UGT1A8: variants seen among roughly 807,000 people sequenced by gnomAD.
UGT1A8 encodes the protein UDP glucuronosyltransferase family 1 member A8.
Under a neutral mutation model 45.3 loss-of-function variants are expected in UGT1A8, and 39 were observed. The ratio of observed to expected loss-of-function variants is 0.86; its 90% CI spans 0.67 to 1.12. The LOEUF is 1.12. UGT1A8 is among the 50% of genes most tolerant of loss of function. The pLI, the probability that UGT1A8 is intolerant of heterozygous loss-of-function variation, is 0.00. For missense variants in UGT1A8, 719 were observed against 664.9 expected (o/e 1.08, Z -0.90); for synonymous variants, 275 against 249.2 (o/e 1.10, Z -0.97).
In UGT1A8 at chr2:233,769,479, G is replaced by A; in HGVS notation, c.1295+1040G>A. The A allele has an allele frequency of 6.2e-7, 1 of 1,611,314 alleles. No homozygotes were observed. The highest frequency in any genetic ancestry group is 8.5e-7 in the Non-Finnish European group (1 of 1,178,748). ...CATTCATATGCGTGTGTGTGTGTGT[G>A]CGTGTGTTTATGAGAGTGTCCATTG... is the stretch of plus-strand genomic sequence containing the variant. On this transcript the variant is annotated intron_variant, in intron 4 of 4. Coordinates refer to ENST00000373450, the MANE Select transcript of UGT1A8 (RefSeq NM_019076.5). This position sits in a 1 kb window ranked among gnomAD's most constrained non-coding sequence, Gnocchi z 4.4.
chr2:233,622,197 G>A (rs184726344), intron 1 of UGT1A8, among the ~76,000 whole-genome samples: 104 of 152,260 alleles, frequency 6.8e-4, no homozygotes, highest in Non-Finnish European at 1.2e-3. Context: ...ACATACGTGT[G>A]CATGTGTCTT....
At chr2:233,724,279 G>T (rs1430028213) in intron 1 of UGT1A8, among the ~76,000 whole-genome samples, 8 of 142,700 alleles carry the variant, frequency 5.6e-5, no homozygotes, top group Non-Finnish European at 1.1e-4. Flanking sequence ...CGGCTGGCCG[G>T]GCGGGGGGCT....
At position 233,671,174 on chromosome 2, in the gene UGT1A8, T is replaced by A. The variant is rs955686152; in HGVS notation, c.855+52612T>A. 7.2e-5 allele frequency among the ~76,000 whole-genome samples: 11 copies of A among 152,268 alleles called. No individual in the cohort carries two copies. The South Asian group carries it at 2.3e-3, about 32-fold the overall frequency. On this transcript the variant is annotated intron_variant, in intron 1 of 4. Coordinates refer to ENST00000373450, the MANE Select transcript of UGT1A8 (RefSeq NM_019076.5). ...AGGAGGGCACTGGAGTGATGGCGTG[T>A]TTAGAATGTGCAAGTTGAGCGGTCA...
intron 1 of UGT1A8, among the ~76,000 whole-genome samples, chr2:233,716,998 C>A (rs2076539575): frequency 6.6e-6 from 1 of 152,190 alleles, no homozygotes; most frequent in African/African-American, 2.4e-5. Context: ...GTCCTCAGGG[C>A]CCCTATGTCT....
chr2:233,743,907 A>G, intron 1 of UGT1A8: 2 of 1,366,260 alleles, frequency 1.5e-6, no homozygotes, highest in Non-Finnish European at 2.0e-6. Flanking sequence ...ACCTCGTAGT[A>G]GTCCACCATG....
At chr2:233,738,077 A>T (rs1287862175) in intron 1 of UGT1A8, among the ~76,000 whole-genome samples, 1 of 152,120 alleles carries the variant, frequency 6.6e-6, no homozygotes, top group Non-Finnish European at 1.5e-5. Context: ...CCACCTCCTA[A>T]TCTCATCATA....
At chr2:233,729,824 G>T in intron 1 of UGT1A8, 1 of 1,613,884 alleles carries the variant, frequency 6.2e-7, no homozygotes, top group Non-Finnish European at 8.5e-7. Flanking sequence ...CCTTATGCAA[G>T]CCTTGCCTCT....
chr2:233,681,065 G>A (rs1309464009), intron 1 of UGT1A8, among the ~76,000 whole-genome samples: 2 of 151,814 alleles, frequency 1.3e-5, no homozygotes, highest in Admixed American at 1.3e-4. Context: ...GCTCACCTGT[G>A]TCACAATTGT....
At position 233,672,146 on chromosome 2, in the gene UGT1A8, A is replaced by G. The variant is rs527774940; in HGVS notation, c.855+53584A>G. 86 of 1,614,186 alleles carry G rather than the reference A, an allele frequency of 5.3e-5. 1 individual carries two copies. In the East Asian group the frequency reaches 1.9e-3, roughly 36 times the overall value. ...AGTTGGCAACTGGGAAGATCACTGA[A>G]TTGCACAGTGAAGACTTATTCAACT... On this transcript the variant is annotated intron_variant, in intron 1 of 4. Coordinates refer to ENST00000373450, the MANE Select transcript of UGT1A8 (RefSeq NM_019076.5).
At chr2:233,724,792 G>T (rs992945436) in intron 1 of UGT1A8, among the ~76,000 whole-genome samples, 1 of 140,672 alleles carries the variant, frequency 7.1e-6, no homozygotes, top group African/African-American at 2.8e-5. Context: ...CTTCCCAGAC[G>T]GGGTGGCGGC....
At chr2:233,753,469 A>T (rs28900386) in intron 1 of UGT1A8, 9 of 152,358 alleles carry the variant, frequency 5.9e-5, no homozygotes, top group African/African-American at 1.9e-4. Flanking sequence ...TCTGTAAAAA[A>T]TTACCAGCAT....
At chr2:233,747,507 C>G in intron 1 of UGT1A8, 1 of 1,608,136 alleles carries the variant, frequency 6.2e-7, no homozygotes. Flanking sequence ...CCACACTCAA[C>G]TGTACTTTGA....
rs879347506 is a variant in UGT1A8, at chr2:233,651,196, C to G, written c.855+32634C>G. Among the ~76,000 whole-genome samples, 3 of 152,178 alleles carry G rather than the reference C, an allele frequency of 2.0e-5. No homozygotes were observed. The East Asian group carries it at 5.8e-4, about 29-fold the overall frequency. Reference sequence around the variant, plus strand: ...CTTTACCCTCCTTCAGTTACAGCACCAAGCACCACCCAGGTATTACCTGCA... The same window carrying G: ...CTTTACCCTCCTTCAGTTACAGCACGAAGCACCACCCAGGTATTACCTGCA... On this transcript the variant is annotated intron_variant, in intron 1 of 4. Coordinates refer to ENST00000373450, the MANE Select transcript of UGT1A8 (RefSeq NM_019076.5).
intron 1 of UGT1A8, among the ~76,000 whole-genome samples, chr2:233,764,749 G>A (rs2126012049): frequency 6.6e-6 from 1 of 152,298 alleles, no homozygotes; most frequent in East Asian, 1.9e-4. Flanking sequence ...GAGATGTGGT[G>A]CAGACCCTAG....
At chr2:233,724,599 T>C (rs1249789503) in intron 1 of UGT1A8, among the ~76,000 whole-genome samples, 2 of 100,788 alleles carry the variant, frequency 2.0e-5, no homozygotes, top group Non-Finnish European at 4.0e-5. Context: ...TCTCAGACGA[T>C]GGGCGGCCGG....
At chr2:233,725,615 T>C (rs572802204) in intron 1 of UGT1A8, among the ~76,000 whole-genome samples, 1 of 152,322 alleles carries the variant, frequency 6.6e-6, no homozygotes, top group African/African-American at 2.4e-5. Flanking sequence ...TCTTGCTAAG[T>C]CTTCAAAATC....
At chr2:233,690,030 T>C in intron 1 of UGT1A8, 1 of 429,918 alleles carries the variant, frequency 2.3e-6, no homozygotes, top group South Asian at 1.7e-5. Flanking sequence ...CCTCAAGATC[T>C]GGGCCCAGAG....
intron 1 of UGT1A8, among the ~76,000 whole-genome samples, chr2:233,685,636 G>A (rs931333739): frequency 3.3e-5 from 5 of 152,138 alleles, no homozygotes; most frequent in Non-Finnish European, 4.4e-5. Context: ...CAAAGTTTTC[G>A]AACATATACC....
At chr2:233,757,125 G>T (rs1455211055) in intron 1 of UGT1A8, among the ~76,000 whole-genome samples, 1 of 151,320 alleles carries the variant, frequency 6.6e-6, no homozygotes, top group Admixed American at 6.6e-5. Context: ...CTAGAGAGGA[G>T]GAATGAGCTT....
Sources: allele counts gnomAD v4.1 joint callset (sites outside exome capture counted in the v4.1 genomes callset), GRCh38; gene constraint gnomAD v4.1.1; non-coding constraint Gnocchi (gnomAD v3.1); transcripts MANE v1.5; gene names NCBI Gene and HGNC (gene_info 2026-07-23, HGNC 2026-07-21).